MELTF: variants seen among roughly 807,000 people sequenced by gnomAD.
The protein encoded by MELTF is antigen p97 (melanoma associated) identified by monoclonal antibodies 133.2 and 96.5.
MELTF carries 67 observed loss-of-function variants against 83.7 expected under a neutral mutation model. The ratio of observed to expected loss-of-function variants is 0.80; its 90% CI spans 0.66 to 0.98. The LOEUF (loss-of-function observed/expected upper bound fraction) is 0.98, where lower values mean the gene tolerates loss of function less well. Ranked by LOEUF, MELTF falls within the 50% of genes least tolerant of loss-of-function variation. The pLI is 0.00. For missense variants in MELTF, 1,002 were observed against 1,035.6 expected (o/e 0.97, Z 0.44); for synonymous variants, 462 against 447.6 (o/e 1.03, Z -0.41).
intron 6 of MELTF, chr3:197,019,897 G>C: frequency 7.0e-7 from 1 of 1,437,258 alleles, no homozygotes; most frequent in East Asian, 2.5e-5. Flanking sequence ...CAAAACTGCA[G>C]ACAGAACGGT....
In MELTF at chr3:197,027,805, A is replaced by G. The variant is rs761268086; in HGVS notation, c.155T>C (p.Leu52Pro). ...AFREAGIQPS[L>P]LCVRGTSADH... ...GGCGGAGGTGCCCCGGACGCAGAGG[A>G]GGGAGGGCTGGATGCCCGCTTCCCG... The change falls in exon 2 of 16, where the codon CTC (leucine) becomes CCC (proline). Residue 52 changes from leucine to proline, a missense_variant. Coordinates refer to ENST00000296350, the MANE Select transcript of MELTF (RefSeq NM_005929.6). The G allele has an allele frequency of 6.2e-7, 1 of 1,611,210 alleles. No individual in the cohort carries two copies. The highest frequency in any genetic ancestry group is 2.2e-5 in the East Asian group (1 of 44,802).
At position 197,017,138 on chromosome 3, in the gene MELTF, C is replaced by T. The variant is rs2148585560; in HGVS notation, c.865G>A (p.Gly289Arg). 8 of 1,612,404 alleles carry T rather than the reference C, an allele frequency of 5.0e-6. No individual in the cohort carries two copies. The Middle Eastern group carries it at 9.9e-4, about 199-fold the overall frequency. ...TTGAGCAGCCGGAAGATGAGGCCCC[C>T]ATCTGTGTCGGCCCGGACCACCACG... is the stretch of plus-strand genomic sequence containing the variant. ...HAVVVRADTD[G>R]GLIFRLLNEG... The change falls in exon 7 of 16, where the codon GGG becomes AGG. Residue 289 changes from glycine (G) to arginine (R), a missense_variant. By Grantham distance (125) the Gly-to-Arg change is moderately radical. Coordinates refer to ENST00000296350, the MANE Select transcript of MELTF (RefSeq NM_005929.6).
chr3:197,023,188 G>A (rs1719701149), intron 4 of MELTF, 75 bp from the exon 5 acceptor site: 2 of 1,484,894 alleles, frequency 1.3e-6, no homozygotes. Context: ...GGTCAGCAGG[G>A]GGCCCGGGCT....
chr3:197,027,154 T>C, intron 2 of MELTF: 1 of 228,970 alleles, frequency 4.4e-6, no homozygotes, highest in Admixed American at 5.0e-5. Context: ...GTTTCTGCCC[T>C]CACATGGAGC....
chr3:197,021,591 T>G, intron 5 of MELTF, 120 bp from the exon 6 acceptor site: 1 of 889,384 alleles, frequency 1.1e-6, no homozygotes, highest in South Asian at 1.5e-5. Context: ...TTTCCAGTTG[T>G]GTGGTCTGGG....
At chr3:197,017,062 T>C (rs1298183562) in intron 7 of MELTF, 41 bp downstream of exon 7, 3 of 1,593,596 alleles carry the variant, frequency 1.9e-6, no homozygotes, top group Non-Finnish European at 2.6e-6. Flanking sequence ...CCCGGCACCA[T>C]CTAGGAAGCT....
chr3:197,004,965 TC>T (rs1333138688), intron 14 of MELTF, among the ~76,000 whole-genome samples: 1 of 152,170 alleles, frequency 6.6e-6, no homozygotes, highest in Non-Finnish European at 1.5e-5. Context: ...AGTAAAGCAC[TC>T]CTGGGATAGA....
chr3:197,004,268 T>G, intron 14 of MELTF, 169 bp from the exon 15 acceptor site: 1 of 690,708 alleles, frequency 1.4e-6, no homozygotes, highest in Non-Finnish European at 2.5e-6. Flanking sequence ...GATTGGCCTC[T>G]GTCACCCAAG....
At chr3:197,009,283 A>C (rs1381737881) in intron 11 of MELTF, among the ~76,000 whole-genome samples, 3 of 152,144 alleles carry the variant, frequency 2.0e-5, no homozygotes, top group Admixed American at 6.5e-5. Context: ...TGGGAGTGGG[A>C]GCTGCCAACC....
Position 197,024,148 on chromosome 3 carries a change from C to T in MELTF, c.487+155G>A, listed in dbSNP as rs1309150682. On this transcript the variant is annotated intron_variant, in intron 4 of 15. Coordinates refer to ENST00000296350, the MANE Select transcript of MELTF (RefSeq NM_005929.6). The surrounding 1 kb of genome is among the most constrained non-coding windows in gnomAD (Gnocchi z 5.3). ...GGCGGCGCCGGCGGCAGAGTGGAGG[C>T]GGGGGAGGCACGGGGCGGGCGGGGG... Among the ~76,000 whole-genome samples the T allele has an allele frequency of 2.1e-4, 10 of 47,062 alleles. No homozygotes were observed. In the South Asian group the frequency reaches 3.0e-3, roughly 14 times the overall value. The allele number at this position is 47,062 out of a possible 152,430, so 30.9% of individuals were successfully genotyped here.
At chr3:197,026,390 G>A in intron 3 of MELTF, 1 of 465,480 alleles carries the variant, frequency 2.1e-6, no homozygotes, top group Non-Finnish European at 3.9e-6. Context: ...GCCAGGCCCG[G>A]GACAGCCCGC....
At chr3:197,012,120 C>T (rs1171930103) in intron 9 of MELTF, among the ~76,000 whole-genome samples, 1 of 152,228 alleles carries the variant, frequency 6.6e-6, no homozygotes, top group African/African-American at 2.4e-5. Flanking sequence ...TCTATCGGGC[C>T]TGCGGAAGCT....
rs778142017 is a variant in MELTF at position 197,003,890 on chromosome 3, G to A, written c.2137+11C>T. The A allele has an allele frequency of 3.7e-6, 6 of 1,612,080 alleles. No homozygotes were observed. Among genetic ancestry groups the A allele is most frequent in the Non-Finnish European group, 5.1e-6 (6 of 1,179,414 alleles). On this transcript the variant is annotated intron_variant, in intron 15 of 15. Transcript: ENST00000296350. The surrounding 1 kb of genome is among the most constrained non-coding windows in gnomAD (Gnocchi z 6.2). ...AGCACCAGGGGAGGCGGCAGGGCGGGCCTGTCCTACCTGCGCCCGAGCACT... is the reference window on the plus strand; with the variant it reads ...AGCACCAGGGGAGGCGGCAGGGCGGACCTGTCCTACCTGCGCCCGAGCACT...
At position 197,011,532 on chromosome 3, in the gene MELTF, A is replaced by G. The variant is rs1022631601; in HGVS notation, c.1234-738T>C. Among the ~76,000 whole-genome samples, 4 of 152,192 alleles carry G rather than the reference A, an allele frequency of 2.6e-5. No individual in the cohort carries two copies. Among genetic ancestry groups the G allele is most frequent in the African/African-American group, 9.6e-5 (4 of 41,456 alleles). The stretch of plus-strand genomic sequence containing the variant: ...AGAGTGCGGACACCTGTGCCCCAGG[A>G]AGGTGTCCCACGCCATTCCTGAAGA... On this transcript the variant is annotated intron_variant, in intron 9 of 15. Transcript: ENST00000296350. The surrounding 1 kb of genome is among the most constrained non-coding windows in gnomAD (Gnocchi z 4.2).
chr3:197,006,923 C>A lies in MELTF; in HGVS notation c.1751-187G>T, dbSNP rs41284044. ...CGGGGTGAAAGAACCCAGCTGTGTT[C>A]ATGCCATTAGCAGGAGCTGCCATTA... On this transcript the variant is annotated intron_variant, in intron 13 of 15. Coordinates refer to ENST00000296350, the MANE Select transcript of MELTF (RefSeq NM_005929.6). This position sits in a 1 kb window ranked among gnomAD's most constrained non-coding sequence, Gnocchi z 5.4. 0.2 allele frequency among the ~76,000 whole-genome samples: 30,305 copies of A among 152,208 alleles called. 3,089 individuals are homozygous for A. The highest frequency in any genetic ancestry group is 0.33 in the Middle Eastern group (96 of 294).
rs757431671 is a variant in MELTF, at chr3:197,015,478, G to A, written c.1120C>T (p.Pro374Ser). 6.2e-7 allele frequency: 1 copy of A among 1,612,002 alleles called. No individual in the cohort carries two copies. Among genetic ancestry groups the A allele is most frequent in the Middle Eastern group, 1.6e-4 (1 of 6,062 alleles). ...PYLRWCVLST[P>S]EIQKCGDMAV... ...ATGTCTCCACACTTCTGGATCTCGG[G>A]AGTGGAGAGCACACACCAGCGCAGG... Residue 374 changes from proline to serine, a missense_variant, in exon 9 of 16, where the codon CCC (proline) becomes TCC (serine). Physicochemically the swap from Pro to Ser is moderately conservative, Grantham distance 74. Transcript: ENST00000296350.
chr3:197,008,583 G>A lies in MELTF; in HGVS notation c.1750+74C>T. On this transcript the variant is annotated intron_variant, in intron 13 of 15. Transcript: ENST00000296350. This position sits in a 1 kb window ranked among gnomAD's most constrained non-coding sequence, Gnocchi z 5.4. ...CTGCTGCTTGGCCCCAGCCCAGCAT[G>A]GTGTCTGGATGGTGCTGAAGATGGG... 1 of 1,496,530 alleles carries A rather than the reference G, an allele frequency of 6.7e-7. No homozygotes were observed. Among genetic ancestry groups the A allele is most frequent in the Non-Finnish European group, 9.2e-7 (1 of 1,091,384 alleles). The allele number at this position is 1,496,530 out of a possible 1,614,324, so 92.7% of individuals were successfully genotyped here.
chr3:197,009,898 C>T, intron 10 of MELTF, 86 bp from the exon 11 acceptor site: 1 of 1,196,670 alleles, frequency 8.4e-7, no homozygotes. Flanking sequence ...AAACCCACTC[C>T]TTCCTGTCTC....
In MELTF at chr3:197,017,159, C is replaced by T; in HGVS notation, c.844G>A (p.Val282Met). The T allele has an allele frequency of 1.9e-6, 3 of 1,611,566 alleles. No homozygotes were observed. Among genetic ancestry groups the T allele is most frequent in the Non-Finnish European group, 8.5e-7 (1 of 1,179,506 alleles). The change falls in exon 7 of 16, where the codon GTG becomes ATG. Residue 282 changes from valine (V) to methionine (M), a missense_variant. Physicochemically the swap from Val to Met is conservative, Grantham distance 21. Coordinates refer to ENST00000296350, the MANE Select transcript of MELTF (RefSeq NM_005929.6). ...CCCCCATCTGTGTCGGCCCGGACCA[C>T]CACGGCGTGAGCAGGCACCCGGGCC... Reference protein sequence around the residue: ...HLARVPAHAVVVRADTDGGLI... With the variant: ...HLARVPAHAVMVRADTDGGLI...
Sources: allele counts gnomAD v4.1 joint callset (sites outside exome capture counted in the v4.1 genomes callset), GRCh38; gene constraint gnomAD v4.1.1; non-coding constraint Gnocchi (gnomAD v3.1); transcripts MANE v1.5; gene names NCBI Gene and HGNC (gene_info 2026-07-23, HGNC 2026-07-21).